Variants in CSMD1 observed in about 807,000 individuals in gnomAD.
The protein encoded by CSMD1 is CUB and sushi domain-containing protein 1.
A neutral mutation model predicts 417.5 loss-of-function variants in CSMD1; 213 were observed. The observed-to-expected ratio is 0.51, with a 90% CI of 0.46 to 0.57. CSMD1 has a LOEUF of 0.57. CSMD1 is among the 20% of genes least tolerant of loss of function. CSMD1 has a pLI of 0.00. For missense variants in CSMD1, 6,923 were observed against 4,529.7 expected, an observed-to-expected ratio of 1.53 and a Z score of -15.17; for synonymous variants, 2,862 against 1,736.8, an observed-to-expected ratio of 1.65 and a Z score of -16.11.
At chr8:3,441,205 G>A (rs1324694264) in intron 12 of CSMD1, among the ~76,000 whole-genome samples, 1 of 152,088 alleles carries the variant, frequency 6.6e-6, no homozygotes, top group Non-Finnish European at 1.5e-5. Flanking sequence ...GGGAGATCTG[G>A]CAGGGAGCAT....
chr8:3,994,274 G>A (rs1355334834), intron 5 of CSMD1, among the ~76,000 whole-genome samples: 1 of 151,984 alleles, frequency 6.6e-6, no homozygotes, highest in Non-Finnish European at 1.5e-5. Context: ...ATATTTTAAA[G>A]GGAGTAAATG....
chr8:3,391,604 A>C (rs1811354501), intron 17 of CSMD1, among the ~76,000 whole-genome samples: 1 of 152,240 alleles, frequency 6.6e-6, no homozygotes, highest in Non-Finnish European at 1.5e-5. Flanking sequence ...TGCATGAAGC[A>C]GAACTGCAAT....
At chr8:3,007,318 T>G (rs1808013617) in intron 52 of CSMD1, among the ~76,000 whole-genome samples, 1 of 151,982 alleles carries the variant, frequency 6.6e-6, no homozygotes, top group Non-Finnish European at 1.5e-5. Context: ...ACTACACTGT[T>G]GGTGGGACTG....
At chr8:3,021,325 C>A (rs1230800464) in intron 51 of CSMD1, among the ~76,000 whole-genome samples, 1 of 152,150 alleles carries the variant, frequency 6.6e-6, no homozygotes, top group East Asian at 1.9e-4. Context: ...GAATTTCAGA[C>A]CCAGAGTTTC....
chr8:4,090,895 T>C (rs930878086), intron 3 of CSMD1, among the ~76,000 whole-genome samples: 3 of 152,040 alleles, frequency 2.0e-5, no homozygotes, highest in South Asian at 2.1e-4. Flanking sequence ...ACATTATTAG[T>C]AACATAAGGG....
intron 3 of CSMD1, among the ~76,000 whole-genome samples, chr8:4,393,959 C>G (rs991887243): frequency 4.6e-5 from 7 of 152,150 alleles, no homozygotes; most frequent in African/African-American, 1.7e-4. Flanking sequence ...GGTATTAACG[C>G]AGAATATGCC....
At chr8:4,551,276 C>T (rs900940275) in intron 2 of CSMD1, among the ~76,000 whole-genome samples, 15 of 152,154 alleles carry the variant, frequency 9.9e-5, no homozygotes, top group Admixed American at 3.9e-4. Context: ...TAAAATCCAA[C>T]TGACTCAAGG....
At chr8:3,182,159 T>C (rs1821374341) in intron 36 of CSMD1, among the ~76,000 whole-genome samples, 1 of 152,166 alleles carries the variant, frequency 6.6e-6, no homozygotes, top group South Asian at 2.1e-4. Flanking sequence ...AGAAATAAGT[T>C]GATAATTATT....
chr8:4,647,621 T>C (rs982736582), intron 1 of CSMD1, among the ~76,000 whole-genome samples: 1 of 151,918 alleles, frequency 6.6e-6, no homozygotes, highest in Non-Finnish European at 1.5e-5. Flanking sequence ...TGTATCTATG[T>C]GTTCTCATTG....
At chr8:4,297,381 G>T (rs546269199) in intron 3 of CSMD1, among the ~76,000 whole-genome samples, 1 of 151,974 alleles carries the variant, frequency 6.6e-6, no homozygotes, top group African/African-American at 2.4e-5. Context: ...GACGTTCAGC[G>T]TACTGTAATT....
At chr8:4,654,286 C>T (rs1051408116) in intron 1 of CSMD1, among the ~76,000 whole-genome samples, 2 of 152,066 alleles carry the variant, frequency 1.3e-5, no homozygotes, top group East Asian at 3.9e-4. Context: ...TGAATATAGA[C>T]TTATATGGAA....
At chr8:3,622,976 C>A (rs1423700508) in intron 7 of CSMD1, among the ~76,000 whole-genome samples, 1 of 152,098 alleles carries the variant, frequency 6.6e-6, no homozygotes, top group Non-Finnish European at 1.5e-5. Context: ...CTTTTCAGAT[C>A]TCATAGAACA....
intron 3 of CSMD1, among the ~76,000 whole-genome samples, chr8:4,056,262 T>C (rs1798685248): frequency 6.6e-6 from 1 of 151,776 alleles, no homozygotes; most frequent in East Asian, 1.9e-4. Flanking sequence ...TTGTATTTTT[T>C]AGTAGAGATG....
At chr8:4,468,752 T>A (rs184721454) in intron 2 of CSMD1, among the ~76,000 whole-genome samples, 3 of 152,224 alleles carry the variant, frequency 2.0e-5, no homozygotes, top group East Asian at 1.9e-4. Flanking sequence ...GGCTTGCTTC[T>A]ATGTCTGAAT....
At chr8:2,946,776 A>C (rs1434867819) in intron 68 of CSMD1, among the ~76,000 whole-genome samples, 1 of 152,206 alleles carries the variant, frequency 6.6e-6, no homozygotes. Context: ...GCTGGAGCTT[A>C]AGTAACAACT....
chr8:4,875,165 T>C (rs1802971158), intron 1 of CSMD1, among the ~76,000 whole-genome samples: 1 of 152,006 alleles, frequency 6.6e-6, no homozygotes, highest in Admixed American at 6.6e-5. Flanking sequence ...CCTACAAATC[T>C]TGAAAGATTC....
chr8:4,938,557 T>C (rs1450044700), intron 1 of CSMD1, among the ~76,000 whole-genome samples: 2 of 152,230 alleles, frequency 1.3e-5, no homozygotes, highest in East Asian at 3.8e-4. Flanking sequence ...GGATATTCCC[T>C]GCCCTCACAC....
intron 2 of CSMD1, among the ~76,000 whole-genome samples, chr8:4,447,943 T>A (rs1354760774): frequency 2.0e-5 from 3 of 148,678 alleles, no homozygotes; most frequent in Non-Finnish European, 4.4e-5. Flanking sequence ...ACTCACCATA[T>A]TTTTTAAAAG....
chr8:3,451,624 G>A (rs1185816013), intron 12 of CSMD1, among the ~76,000 whole-genome samples: 4 of 152,106 alleles, frequency 2.6e-5, no homozygotes, highest in South Asian at 2.1e-4. Context: ...GCAGATACTT[G>A]TAGATATATG....
Sources: allele counts gnomAD v4.1 joint callset (sites outside exome capture counted in the v4.1 genomes callset), GRCh38; gene constraint gnomAD v4.1.1; transcripts MANE v1.5; gene names NCBI Gene and HGNC (gene_info 2026-07-23, HGNC 2026-07-21).